Variants in CFAP418 observed in about 807,000 individuals in gnomAD.
The protein encoded by CFAP418 is cilia- and flagella-associated protein 418.
A neutral mutation model predicts 24.7 loss-of-function variants in CFAP418; 27 were observed. The observed-to-expected ratio is 1.09, with a 90% confidence interval of 0.81 to 1.51. The LOEUF (loss-of-function observed/expected upper bound fraction) is 1.51, where lower values mean the gene tolerates loss of function less well. Ranked by LOEUF, CFAP418 falls within the 40% of genes most tolerant of loss-of-function variation. The pLI, the probability that CFAP418 is intolerant of heterozygous loss-of-function variation, is 0.00. For missense variants in CFAP418, 257 were observed against 255.2 expected, an observed-to-expected ratio of 1.01 and a Z score of -0.05; for synonymous variants, 74 against 87.3, an observed-to-expected ratio of 0.85 and a Z score of 0.85.
intron 4 of CFAP418, 105 bp from the exon 5 acceptor site, chr8:95,252,388 T>A (rs952471796): frequency 1.8e-5 from 12 of 675,740 alleles, no homozygotes; most frequent in Non-Finnish European, 2.5e-5. Context: ...TACAGATTAC[T>A]GAATAAACAA....
At position 95,260,462 on chromosome 8, in the gene CFAP418, A is replaced by G. The variant is rs377011995; in HGVS notation, c.308+6T>C. On this transcript the variant is annotated splice_donor_region_variant and intron_variant, in intron 3 of 5. Transcript: ENST00000286688. ...TGTATAATTCACCAAAGCAATCTCAACTTACCTTTTACCAAGGCCTTCAAT... is the reference window on the plus strand; with the variant it reads ...TGTATAATTCACCAAAGCAATCTCAGCTTACCTTTTACCAAGGCCTTCAAT... 3.8e-6 allele frequency: 6 copies of G among 1,580,848 alleles called. No homozygotes were observed. The African/African-American group carries it at 8.2e-5, about 22-fold the overall frequency.
At chr8:95,263,599 GGTAGCTACTTGT>G in intron 2 of CFAP418, 76 bp downstream of exon 2, 1 of 726,336 alleles carries the variant, frequency 1.4e-6, no homozygotes, top group Non-Finnish European at 2.3e-6. Context: ...AAAGATAATG[GGTAGCTACTTGT>G]GTCATCTTTA....
intron 1 of CFAP418, among the ~76,000 whole-genome samples, chr8:95,266,962 T>C (rs976261827): frequency 7.9e-5 from 12 of 152,192 alleles, no homozygotes; most frequent in Non-Finnish European, 1.6e-4. Context: ...CTAGTTCTCC[T>C]AAGATGAACA....
rs61473559 is a variant in CFAP418 at position 95,258,381 on chromosome 8, C to CAA, written c.374+1457_374+1458dup. ...TGGGCGACAGAGCGAGACTCTGTCT[C>CAA]AAAAAAAAAAAAAAAAAAAAAGTAA... On this transcript the variant is annotated intron_variant, in intron 4 of 5. Transcript: ENST00000286688. Among the ~76,000 whole-genome samples, 275 of 49,374 alleles carry CAA rather than the reference C, an allele frequency of 5.6e-3. 12 individuals are homozygous for CAA. The highest frequency in any genetic ancestry group is 7.4e-3 in the Non-Finnish European group (186 of 25,032). The allele number at this position is 49,374 out of a possible 152,430, so 32.4% of individuals were successfully genotyped here.
chr8:95,248,841 T>C (rs1811666213), intron 5 of CFAP418, among the ~76,000 whole-genome samples: 1 of 152,146 alleles, frequency 6.6e-6, no homozygotes, highest in Non-Finnish European at 1.5e-5. Context: ...CCATTGCTTG[T>C]GGATATCACT....
chr8:95,256,646 C>T (rs1257406345), intron 4 of CFAP418, among the ~76,000 whole-genome samples: 1 of 152,132 alleles, frequency 6.6e-6, no homozygotes, highest in Admixed American at 6.5e-5. Context: ...TCCTTACTGG[C>T]CAGTGTTTTG....
intron 1 of CFAP418, 151 bp downstream of exon 1, chr8:95,268,884 G>A (rs994797826): frequency 2.5e-6 from 2 of 801,554 alleles, no homozygotes; most frequent in South Asian, 1.8e-5. Flanking sequence ...ATGCGCTGCC[G>A]CGGAGGGTAG....
chr8:95,258,148 C>T (rs1042629396), intron 4 of CFAP418, among the ~76,000 whole-genome samples: 3 of 151,902 alleles, frequency 2.0e-5, no homozygotes, highest in South Asian at 2.1e-4. Context: ...CGTGGGAGGC[C>T]GAGGAGAACA....
At chr8:95,251,260 T>G (rs1332921651) in intron 5 of CFAP418, among the ~76,000 whole-genome samples, 2 of 152,086 alleles carry the variant, frequency 1.3e-5, no homozygotes, top group Non-Finnish European at 2.9e-5. Flanking sequence ...TTTCTTCCAG[T>G]TGAGAGAGTG....
chr8:95,262,319 T>C (rs566341019), intron 2 of CFAP418, among the ~76,000 whole-genome samples: 10 of 152,340 alleles, frequency 6.6e-5, no homozygotes, highest in South Asian at 2.1e-4. Flanking sequence ...TTCAGGTGAA[T>C]TGAAAAAGTT....
chr8:95,253,251 A>G (rs991067899), intron 4 of CFAP418, among the ~76,000 whole-genome samples: 4 of 152,226 alleles, frequency 2.6e-5, no homozygotes, highest in African/African-American at 9.6e-5. Context: ...CGGAGATTGC[A>G]GTGAGGGGAG....
intron 5 of CFAP418, 93 bp downstream of exon 5, chr8:95,252,095 G>A (rs1159892899): frequency 3.3e-6 from 3 of 916,576 alleles, no homozygotes; most frequent in Non-Finnish European, 3.5e-6. Context: ...AAGCCCACAA[G>A]ATCTGGCTGA....
intron 5 of CFAP418, among the ~76,000 whole-genome samples, chr8:95,251,592 GA>G (rs1348169719): frequency 3.3e-5 from 5 of 152,144 alleles, no homozygotes; most frequent in African/African-American, 7.2e-5. Context: ...CTTTAATTCT[GA>G]ACAAGGGAAG....
chr8:95,253,876 A>G (rs972677429), intron 4 of CFAP418, among the ~76,000 whole-genome samples: 1 of 152,168 alleles, frequency 6.6e-6, no homozygotes, highest in African/African-American at 2.4e-5. Flanking sequence ...ATGCCTTAAT[A>G]CATATGTGCA....
intron 4 of CFAP418, among the ~76,000 whole-genome samples, chr8:95,258,487 T>C (rs992890925): frequency 7.9e-5 from 12 of 151,802 alleles, no homozygotes; most frequent in Admixed American, 2.0e-4. Flanking sequence ...GTACGATGTA[T>C]TTTAAATTGT....
At position 95,254,893 on chromosome 8, in the gene CFAP418, G is replaced by C. The variant is rs770569936; in HGVS notation, c.375-2610C>G. On this transcript the variant is annotated intron_variant, in intron 4 of 5. Coordinates refer to ENST00000286688, the MANE Select transcript of CFAP418 (RefSeq NM_177965.4). ...AATAACTGATATGACCTTGAGCAAGGCACCTTATTTGGGAGTCATTCTTAA... is the reference window on the plus strand; with the variant it reads ...AATAACTGATATGACCTTGAGCAAGCCACCTTATTTGGGAGTCATTCTTAA... Among the ~76,000 whole-genome samples, 3 of 152,310 alleles carry C rather than the reference G, an allele frequency of 2.0e-5. No individual in the cohort carries two copies. The Middle Eastern group carries it at 0.01, about 518-fold the overall frequency.
chr8:95,253,100 G>C (rs977441918), intron 4 of CFAP418, among the ~76,000 whole-genome samples: 2 of 152,140 alleles, frequency 1.3e-5, no homozygotes, highest in Non-Finnish European at 2.9e-5. Flanking sequence ...ACGAGGTCAG[G>C]AGATCGAGAC....
chr8:95,247,890 G>T, intron 5 of CFAP418, 120 bp from the exon 6 acceptor site: 21 of 1,044,272 alleles, frequency 2.0e-5, no homozygotes, highest in Non-Finnish European at 2.8e-5. Flanking sequence ...GAGTCTCATT[G>T]TTACTCAGGC....
At chr8:95,254,700 C>T (rs1811759684) in intron 4 of CFAP418, among the ~76,000 whole-genome samples, 1 of 152,218 alleles carries the variant, frequency 6.6e-6, no homozygotes, top group African/African-American at 2.4e-5. Context: ...ATCAGATCTG[C>T]ACAATGGGAC....
Sources: allele counts gnomAD v4.1 joint callset (sites outside exome capture counted in the v4.1 genomes callset), GRCh38; gene constraint gnomAD v4.1.1; transcripts MANE v1.5; gene names NCBI Gene and HGNC (gene_info 2026-07-23, HGNC 2026-07-21).